The following ATP11C variants were observed in gnomAD, a reference collection of about 807,000 sequenced individuals.
ATP11C encodes the protein ATPase phospholipid transporting 11C (ATP11C blood group).
ATP11C carries 36 observed loss-of-function variants against 97.4 expected under a neutral mutation model. The ratio of observed to expected loss-of-function variants is 0.37; its 90% CI spans 0.28 to 0.49. ATP11C has a LOEUF of 0.49. Among genes scored for constraint, ATP11C ranks in the 20% least tolerant of loss-of-function variants. ATP11C has a pLI of 0.98. For synonymous variants in ATP11C, 275 were observed against 290.9 expected (o/e 0.95, Z 0.56); for missense variants, 730 against 824.6 (o/e 0.89, Z 1.40).
chrX:139,753,935 C>T (rs2382950), intron 23 of ATP11C, among the ~76,000 whole-genome samples: 4,868 of 110,707 alleles, frequency 0.044, 117 homozygotes, highest in Non-Finnish European at 0.061. Flanking sequence ...AAGAGCAAAC[C>T]AACCCCAAAG....
At chrX:139,798,806 G>T (rs2082858029) in intron 8 of ATP11C, 63 bp from the exon 9 acceptor site, 7 of 932,164 alleles carry the variant, frequency 7.5e-6, no homozygotes, top group Admixed American at 7.1e-5. Context: ...TCTGGGGACA[G>T]ATTTTGCCCT....
At chrX:139,752,474 A>C (rs1307600103) in intron 23 of ATP11C, among the ~76,000 whole-genome samples, 1 of 111,960 alleles carries the variant, frequency 8.9e-6, no homozygotes, top group Non-Finnish European at 1.9e-5. Flanking sequence ...ATAAGCAGTT[A>C]AGGTAATCTA....
intron 2 of ATP11C, among the ~76,000 whole-genome samples, chrX:139,823,846 A>C (rs1218818715): frequency 8.9e-6 from 1 of 112,000 alleles, no homozygotes; most frequent in Non-Finnish European, 1.9e-5. Context: ...CTGCACAGCG[A>C]AAGAAATAAT....
At chrX:139,812,596 G>A (rs1367664165) in intron 5 of ATP11C, among the ~76,000 whole-genome samples, 1 of 107,548 alleles carries the variant, frequency 9.3e-6, no homozygotes, top group Non-Finnish European at 1.9e-5. Context: ...CCAGGCTGGA[G>A]TGCAGTGGCT....
At position 139,780,236 on chromosome X, in the gene ATP11C, G is replaced by C. The variant is rs768759054; in HGVS notation, c.1952+2311C>G. Among the ~76,000 whole-genome samples, 8 of 110,189 alleles carry C rather than the reference G, an allele frequency of 7.3e-5. No homozygotes were observed. The East Asian group carries it at 2.0e-3, about 27-fold the overall frequency. On this transcript the variant is annotated intron_variant, in intron 18 of 29. Coordinates refer to ENST00000682941, the MANE Select transcript of ATP11C (RefSeq NM_001353812.2). Reference sequence around the variant, plus strand: ...TCATCCTAAAATAAAAATTTGGCAAGGACACAATAAAAAAAGAAAACTATA... The same window carrying C: ...TCATCCTAAAATAAAAATTTGGCAACGACACAATAAAAAAAGAAAACTATA...
chrX:139,933,198 G>T (rs2085474530), upstream of ATP11C: 1 of 110,262 alleles, frequency 9.1e-6, no homozygotes, highest in South Asian at 3.9e-4. Context: ...CTGGTACCGC[G>T]GGCTGGGAGC....
chrX:139,924,084 CA>C (rs1415833252), intron 1 of ATP11C: 9 of 373,364 alleles, frequency 2.4e-5, no homozygotes, highest in Non-Finnish European at 4.9e-5. Context: ...GGACTATGAG[CA>C]AATGAATGGG....
At chrX:139,792,871 G>GTT (rs1021231233) in intron 12 of ATP11C, among the ~76,000 whole-genome samples, 1 of 111,830 alleles carries the variant, frequency 8.9e-6, no homozygotes, top group Admixed American at 9.5e-5. Flanking sequence ...ACTGGTGAAC[G>GTT]TAAGTTAAGT....
chrX:139,746,385 A>C (rs911851977), intron 24 of ATP11C, among the ~76,000 whole-genome samples: 8 of 111,495 alleles, frequency 7.2e-5, no homozygotes, highest in Non-Finnish European at 7.5e-5. Flanking sequence ...GGATATTTTT[A>C]AAGCCCACCA....
chrX:139,796,335 C>T lies in ATP11C; in HGVS notation c.1144G>A (p.Asp382Asn). ...FFISWDKDFY[D>N]EEINEGALVN... ...AGGGCTCCTTCATTAATTTCTTCAT[C>T]ATAAAAGTCCTTATCCCATGAGATG... is the stretch of plus-strand genomic sequence containing the variant. Residue 382 changes from aspartate (D) to asparagine (N), a missense_variant, in exon 12 of 30, where the codon GAT (aspartate) becomes AAT (asparagine). Asp to Asn is a conservative substitution (Grantham distance 23, BLOSUM62 1). Transcript: ENST00000682941. 1.7e-6 allele frequency: 2 copies of T among 1,206,773 alleles called. No homozygotes were observed. Among genetic ancestry groups the T allele is most frequent in the Non-Finnish European group, 2.2e-6 (2 of 892,855 alleles).
intron 4 of ATP11C, among the ~76,000 whole-genome samples, chrX:139,815,593 A>T (rs1404902315): frequency 2.7e-5 from 3 of 112,222 alleles, no homozygotes; most frequent in Non-Finnish European, 3.8e-5. Flanking sequence ...AGTTAAAAGT[A>T]ATCAGAGAAA....
intron 12 of ATP11C, among the ~76,000 whole-genome samples, chrX:139,796,072 T>A (rs2082787507): frequency 8.9e-6 from 1 of 112,055 alleles, no homozygotes; most frequent in African/African-American, 3.2e-5. Context: ...ATAAATTGTA[T>A]CCTTCTCAAA....
At chrX:139,820,510 T>C (rs1157941337) in intron 2 of ATP11C, among the ~76,000 whole-genome samples, 1 of 111,416 alleles carries the variant, frequency 9.0e-6, no homozygotes, top group African/African-American at 3.3e-5. Context: ...TCATAACAGA[T>C]ACCCCTATGA....
At chrX:139,806,878 CAT>C (rs1323668408) in intron 5 of ATP11C, among the ~76,000 whole-genome samples, 2 of 111,352 alleles carry the variant, frequency 1.8e-5, no homozygotes, top group East Asian at 5.6e-4. Flanking sequence ...CCTTCCCTGG[CAT>C]AGTCTCAGGG....
At chrX:139,764,082 A>G (rs1431810581) in intron 20 of ATP11C, among the ~76,000 whole-genome samples, 2 of 112,246 alleles carry the variant, frequency 1.8e-5, no homozygotes, top group Non-Finnish European at 3.8e-5. Context: ...AGGAAGTCAG[A>G]GAACAATGTT....
intron 16 of ATP11C, among the ~76,000 whole-genome samples, chrX:139,783,993 A>T (rs1044590306): frequency 7.1e-5 from 8 of 112,701 alleles, no homozygotes; most frequent in Non-Finnish European, 1.5e-4. Flanking sequence ...ACTAGCTTCT[A>T]AAACAATGGC....
chrX:139,887,966 G>A (rs1320607492), intron 1 of ATP11C, among the ~76,000 whole-genome samples: 3 of 82,899 alleles, frequency 3.6e-5, no homozygotes, highest in African/African-American at 1.1e-4. Context: ...GCAAGACTCC[G>A]TCTCAAAAAA....
chrX:139,789,767 T>C (rs2082650089), intron 12 of ATP11C, among the ~76,000 whole-genome samples: 1 of 111,738 alleles, frequency 8.9e-6, no homozygotes, highest in Admixed American at 9.5e-5. Flanking sequence ...CGGTGGCTTA[T>C]GCCTGTAGTC....
intron 2 of ATP11C, among the ~76,000 whole-genome samples, chrX:139,820,328 G>C (rs944657838): frequency 1.8e-5 from 2 of 110,971 alleles, no homozygotes; most frequent in Non-Finnish European, 3.8e-5. Flanking sequence ...TTGAACCCAG[G>C]AGGCGGAGGC....
Sources: gnomAD v4.1 joint callset for allele counts (sites outside exome capture counted in the v4.1 genomes callset) on GRCh38, gnomAD v4.1.1 for gene constraint, MANE v1.5 for transcripts, NCBI Gene and HGNC (gene_info 2026-07-23, HGNC 2026-07-21) for gene names.